The following PCDHGA2 variants were observed in gnomAD, a reference collection of about 807,000 sequenced individuals.
PCDHGA2 encodes protocadherin gamma subfamily A, 2, also known as protocadherin gamma-A2.
A neutral mutation model predicts 59.2 loss-of-function variants in PCDHGA2; 40 were observed. That is an observed-to-expected ratio of 0.68 (90% confidence interval 0.52 to 0.88). The LOEUF (loss-of-function observed/expected upper bound fraction) is 0.88. Among genes scored for constraint, PCDHGA2 ranks in the 40% least tolerant of loss-of-function variants. PCDHGA2 has a pLI of 0.00. For synonymous variants in PCDHGA2, 560 were observed against 526.0 expected (o/e 1.06, Z -0.89); for missense variants, 1,226 against 1,204.0 (o/e 1.02, Z -0.27).
intron 1 of PCDHGA2, among the ~76,000 whole-genome samples, chr5:141,465,307 T>C (rs2099100636): frequency 6.6e-6 from 1 of 152,218 alleles, no homozygotes; most frequent in Non-Finnish European, 1.5e-5. Context: ...CCTGGGAATT[T>C]AGCCATGTCA....
intron 1 of PCDHGA2, chr5:141,345,744 G>T (rs780252025): frequency 1.9e-6 from 3 of 1,614,082 alleles, no homozygotes; most frequent in African/African-American, 1.3e-5. Flanking sequence ...CCCCACAGAC[G>T]GTTCCACTGG....
At chr5:141,483,084 CA>C (rs898059463) in intron 1 of PCDHGA2, among the ~76,000 whole-genome samples, 4 of 150,440 alleles carry the variant, frequency 2.7e-5, no homozygotes, top group Middle Eastern at 3.4e-3. Flanking sequence ...GACTCCATCT[CA>C]AAAAAAAAGT....
At chr5:141,387,936 T>G (rs200817766) in intron 1 of PCDHGA2, 31,224 of 1,475,552 alleles carry the variant, frequency 0.021, 381 homozygotes, top group Non-Finnish European at 0.026. Flanking sequence ...GCCAGTGCTC[T>G]TTCTCTTCCT....
chr5:141,410,410 A>G, intron 1 of PCDHGA2: 1 of 1,613,986 alleles, frequency 6.2e-7, no homozygotes, highest in Non-Finnish European at 8.5e-7. Context: ...TCAAGTCTGG[A>G]CCTGTAGTTC....
At chr5:141,344,482 C>T (rs1435055350) in intron 1 of PCDHGA2, 9 of 1,613,784 alleles carry the variant, frequency 5.6e-6, no homozygotes, top group Non-Finnish European at 7.6e-6. Context: ...GTTCCTGGAA[C>T]CCGATTTCCA....
At chr5:141,421,972 C>T (rs764728654) in intron 1 of PCDHGA2, 2 of 1,609,892 alleles carry the variant, frequency 1.2e-6, no homozygotes, top group African/African-American at 2.7e-5. Context: ...GTCCGTATAT[C>T]GCGTGAGTGT....
intron 1 of PCDHGA2, among the ~76,000 whole-genome samples, chr5:141,349,607 G>C (rs1220640930): frequency 6.6e-6 from 1 of 152,068 alleles, no homozygotes; most frequent in Non-Finnish European, 1.5e-5. Context: ...TTTTTGAAAA[G>C]TATTACTGAA....
intron 2 of PCDHGA2, among the ~76,000 whole-genome samples, chr5:141,501,838 G>A (rs888418141): frequency 6.6e-6 from 1 of 152,000 alleles, no homozygotes; most frequent in African/African-American, 2.4e-5. Flanking sequence ...CACCTGTTTG[G>A]CCCTCAACCT....
intron 1 of PCDHGA2, among the ~76,000 whole-genome samples, chr5:141,494,070 C>T (rs933213518): frequency 3.9e-5 from 6 of 152,174 alleles, no homozygotes; most frequent in African/African-American, 1.4e-4. Context: ...AGCTGGATCC[C>T]TCCCCGCTGC....
intron 1 of PCDHGA2, chr5:141,383,907 A>T: frequency 1.2e-6 from 2 of 1,613,958 alleles, no homozygotes; most frequent in Non-Finnish European, 1.7e-6. Flanking sequence ...TACTGATCAC[A>T]GTTTTAGATG....
At chr5:141,405,062 T>C in intron 1 of PCDHGA2, 1 of 1,613,918 alleles carries the variant, frequency 6.2e-7, no homozygotes, top group Non-Finnish European at 8.5e-7. Flanking sequence ...CTCCTGTGTC[T>C]TCCTCACCTT....
chr5:141,428,177 G>A lies in PCDHGA2; in HGVS notation c.2425-66630G>A, dbSNP rs754811645. The A allele has an allele frequency of 1.4e-5, 21 of 1,510,058 alleles. 1 individual carries two copies. The South Asian group carries it at 1.7e-4, about 12-fold the overall frequency. The allele number at this position is 1,510,058 out of a possible 1,614,324, so 93.5% of individuals were successfully genotyped here. ...CCTGCTGGTTGCTGTGCGTGACGGA[G>A]GACAGCCGCCGCTCTCTGCGCCGCT... On this transcript the variant is annotated intron_variant, in intron 1 of 3. Coordinates refer to ENST00000394576, the MANE Select transcript of PCDHGA2 (RefSeq NM_018915.4).
intron 1 of PCDHGA2, chr5:141,351,210 C>T: frequency 6.2e-7 from 1 of 1,613,986 alleles, no homozygotes; most frequent in Non-Finnish European, 8.5e-7. Context: ...AGTGTGGAAG[C>T]TAAGGATGGA....
In PCDHGA2 at chr5:141,343,656, A is replaced by G. The variant is rs1006178589; in HGVS notation, c.2424+2261A>G. The stretch of plus-strand genomic sequence containing the variant: ...CTTGAGGTGACACTGTTTAACATAT[A>G]TCGATTCAATTATGTTCAATCAACA... On this transcript the variant is annotated intron_variant, in intron 1 of 3. Coordinates refer to ENST00000394576, the MANE Select transcript of PCDHGA2 (RefSeq NM_018915.4). Among the ~76,000 whole-genome samples, 2 of 152,244 alleles carry G rather than the reference A, an allele frequency of 1.3e-5. 1 individual carries two copies. The highest frequency in any genetic ancestry group is 3.8e-4 in the East Asian group (2 of 5,202).
At chr5:141,345,395 T>A in intron 1 of PCDHGA2, 3 of 1,614,068 alleles carry the variant, frequency 1.9e-6, no homozygotes, top group Non-Finnish European at 2.5e-6. Context: ...CCTTCCCTCA[T>A]TTATCCTACT....
rs1177173734 is a variant in PCDHGA2, at chr5:141,491,741, G to T, written c.2425-3066G>T. 1.3e-6 allele frequency: 2 copies of T among 1,595,762 alleles called. No individual in the cohort carries two copies. On this transcript the variant is annotated intron_variant, in intron 1 of 3. Transcript: ENST00000394576. This position sits in a 1 kb window ranked among gnomAD's most constrained non-coding sequence, Gnocchi z 6.9. ...CCGCCCCGGGCGACCCCTGGGGGCG[G>T]CACTGGAGAAGCCGCCCGTCCTCAT... is the stretch of plus-strand genomic sequence containing the variant.
intron 1 of PCDHGA2, chr5:141,382,817 A>G (rs1778464992): frequency 3.9e-6 from 5 of 1,269,918 alleles, no homozygotes; most frequent in Non-Finnish European, 4.4e-6. Flanking sequence ...TCCCCTTCCT[A>G]AGACAGAGGG....
At chr5:141,433,285 C>G in intron 1 of PCDHGA2, 1 of 1,169,826 alleles carries the variant, frequency 8.5e-7, no homozygotes, top group Non-Finnish European at 1.2e-6. Flanking sequence ...CCTCAAACTC[C>G]TAGGCTCAAG....
At chr5:141,456,099 G>A (rs1428094221) in intron 1 of PCDHGA2, among the ~76,000 whole-genome samples, 5 of 151,980 alleles carry the variant, frequency 3.3e-5, no homozygotes, top group East Asian at 1.9e-4. Flanking sequence ...GGATTTCACC[G>A]TGTTAGCCAG....
Sources: allele counts gnomAD v4.1 joint callset (sites outside exome capture counted in the v4.1 genomes callset), GRCh38; gene constraint gnomAD v4.1.1; non-coding constraint Gnocchi (gnomAD v3.1); transcripts MANE v1.5; gene names NCBI Gene and HGNC (gene_info 2026-07-23, HGNC 2026-07-21).